Variants in LRRC8C observed in about 807,000 individuals in gnomAD.
The protein encoded by LRRC8C is leucine rich repeat containing 8 VRAC subunit C.
A neutral mutation model predicts 55.3 loss-of-function variants in LRRC8C; 20 were observed. The observed-to-expected ratio is 0.36, with a 90% CI of 0.25 to 0.53. LRRC8C has a LOEUF of 0.53. LRRC8C is among the 20% of genes least tolerant of loss of function. The pLI, the probability that LRRC8C is intolerant of heterozygous loss-of-function variation, is 0.92. For missense variants in LRRC8C, 659 were observed against 951.4 expected, an observed-to-expected ratio of 0.69 and a Z score of 4.04; for synonymous variants, 376 against 360.7, an observed-to-expected ratio of 1.04 and a Z score of -0.48.
At chr1:89,698,286 A>G (rs1012420254) in intron 2 of LRRC8C, among the ~76,000 whole-genome samples, 10 of 152,194 alleles carry the variant, frequency 6.6e-5, no homozygotes, top group Admixed American at 5.2e-4. Context: ...ATATGAATGC[A>G]TATGCTTGCC....
intron 1 of LRRC8C, among the ~76,000 whole-genome samples, chr1:89,647,073 G>A (rs1171049655): frequency 6.6e-6 from 1 of 152,048 alleles, no homozygotes; most frequent in African/African-American, 2.4e-5. Context: ...ATCTTTACCT[G>A]ACAGCTTTCC....
rs749364760 is a variant in LRRC8C at position 89,713,494 on chromosome 1, C to A, written c.924C>A (p.Cys308Ter). 2 of 1,614,116 alleles carry A rather than the reference C, an allele frequency of 1.2e-6. No homozygotes were observed. The highest frequency in any genetic ancestry group is 3.3e-5 in the Admixed American group (2 of 60,024). The change falls in exon 3 of 3, where the codon TGC becomes TGA. Residue 308 changes from cysteine to a stop codon, truncating the protein, a stop_gained. Coordinates refer to ENST00000370454, the MANE Select transcript of LRRC8C (RefSeq NM_032270.5). LOFTEE classifies it high-confidence loss of function. This position sits in a 1 kb window ranked among gnomAD's most constrained non-coding sequence, Gnocchi z 5.2. ...TGACTGGATATAAAAACTTTTCTTG[C>A]AATCATACCATGGCACACTTGTTCT... Reference protein sequence around the residue: ...QDMTGYKNFSCNHTMAHLFSK... With the variant: ...QDMTGYKNFS
At chr1:89,679,392 T>TA (rs1443998597) in intron 1 of LRRC8C, among the ~76,000 whole-genome samples, 2 of 151,822 alleles carry the variant, frequency 1.3e-5, no homozygotes, top group Non-Finnish European at 2.9e-5. Context: ...CTTCTCTACT[T>TA]AAAATACAAA....
chr1:89,623,918 C>G, the LRRC8C span, among the ~76,000 whole-genome samples: 1 of 152,170 alleles, frequency 6.6e-6, no homozygotes, highest in Admixed American at 6.5e-5. Context: ...TCCTTGGAAA[C>G]TAAAATACTA....
chr1:89,618,352 T>C, the LRRC8C span, among the ~76,000 whole-genome samples: 2 of 152,334 alleles, frequency 1.3e-5, no homozygotes, highest in East Asian at 3.9e-4. Flanking sequence ...CCTACTGAGA[T>C]TTACAAACCA....
chr1:89,712,650 A>T, intron 2 of LRRC8C, 59 bp from the exon 3 acceptor site: 1 of 1,252,700 alleles, frequency 8.0e-7, no homozygotes, highest in East Asian at 2.4e-5. Flanking sequence ...CTTTGCAGTA[A>T]TGACATTATG....
Position 89,714,200 on chromosome 1 carries a change from CT to C in LRRC8C, c.1632del (p.Ile546PhefsTer35). ...TLESLRDLKSLKILSIKSNVS... is the reference protein window; with the variant it reads ...TLESLRDLKSXKILSIKSNVS... Reference sequence around the variant, plus strand: ...TGAGTCTCTGCGGGATCTCAAAAGCCTTAAAATTCTCTCTATCAAAAGCAAC... The same window carrying C: ...TGAGTCTCTGCGGGATCTCAAAAGCCTAAAATTCTCTCTATCAAAAGCAAC... On this transcript the variant is annotated frameshift_variant, in exon 3 of 3. Transcript: ENST00000370454. LOFTEE classifies it high-confidence loss of function. This position sits in a 1 kb window ranked among gnomAD's most constrained non-coding sequence, Gnocchi z 4.6. 1.2e-6 allele frequency: 2 copies of C among 1,614,080 alleles called. No homozygotes were observed. Among genetic ancestry groups the C allele is most frequent in the Non-Finnish European group, 1.7e-6 (2 of 1,180,014 alleles).
chr1:89,627,751 G>A, the LRRC8C span, among the ~76,000 whole-genome samples: 1 of 152,112 alleles, frequency 6.6e-6, no homozygotes, highest in Non-Finnish European at 1.5e-5. Flanking sequence ...GGATTACAAT[G>A]GGCCTCTGTT....
At chr1:89,617,962 CTTGGTATAA>C in the LRRC8C span, among the ~76,000 whole-genome samples, 1 of 152,342 alleles carries the variant, frequency 6.6e-6, no homozygotes, top group East Asian at 1.9e-4. Context: ...CACACACTCT[CTTGGTATAA>C]CTATATGTTC....
chr1:89,659,048 G>GTTTTTTTGTT (rs1301576464), intron 1 of LRRC8C, among the ~76,000 whole-genome samples: 7 of 26,230 alleles, frequency 2.7e-4, no homozygotes, highest in African/African-American at 7.4e-4. Flanking sequence ...TCTTCTCCAG[G>GTTTTTTTGTT]TTTTTTTTTT....
intron 1 of LRRC8C, among the ~76,000 whole-genome samples, chr1:89,677,251 G>A (rs1027186052): frequency 2.0e-5 from 3 of 152,090 alleles, no homozygotes; most frequent in African/African-American, 4.8e-5. Flanking sequence ...AATGTAATTG[G>A]TCCATTAATT....
chr1:89,642,416 A>G (rs1656486366), intron 1 of LRRC8C, among the ~76,000 whole-genome samples: 1 of 152,186 alleles, frequency 6.6e-6, no homozygotes, highest in Non-Finnish European at 1.5e-5. Flanking sequence ...AGCATGTTAG[A>G]AATTAGGTTT....
In LRRC8C at chr1:89,669,522, A is replaced by G. The variant is rs142085759; in HGVS notation, c.-4-16948A>G. Among the ~76,000 whole-genome samples, 20 of 152,312 alleles carry G rather than the reference A, an allele frequency of 1.3e-4. No homozygotes were observed. In the East Asian group the frequency reaches 3.9e-3, roughly 29 times the overall value. ...TGTCATCTCTATTGCTAATATTAGTAGCTGTCATCTATTGAGTGCTAATTC... is the reference window on the plus strand; with the variant it reads ...TGTCATCTCTATTGCTAATATTAGTGGCTGTCATCTATTGAGTGCTAATTC... On this transcript the variant is annotated intron_variant, in intron 1 of 2. Transcript: ENST00000370454.
At chr1:89,692,890 T>C (rs1347118574) in intron 2 of LRRC8C, among the ~76,000 whole-genome samples, 2 of 152,180 alleles carry the variant, frequency 1.3e-5, no homozygotes, top group Non-Finnish European at 2.9e-5. Context: ...TTGCTTTAGA[T>C]CTCTGCTCAG....
chr1:89,653,131 C>T (rs1446566470), intron 1 of LRRC8C, among the ~76,000 whole-genome samples: 1 of 152,202 alleles, frequency 6.6e-6, no homozygotes, highest in Non-Finnish European at 1.5e-5. Context: ...CAAAGGATCA[C>T]TCTGGCTGTG....
chr1:89,657,901 T>C (rs929684762), intron 1 of LRRC8C, among the ~76,000 whole-genome samples: 12 of 152,200 alleles, frequency 7.9e-5, no homozygotes, highest in African/African-American at 2.9e-4. Context: ...ACATAGTTGA[T>C]AAGACGTGTC....
At chr1:89,648,679 T>C (rs1039495576) in intron 1 of LRRC8C, among the ~76,000 whole-genome samples, 35 of 152,166 alleles carry the variant, frequency 2.3e-4, no homozygotes, top group African/African-American at 8.4e-4. Context: ...ACTATCACCA[T>C]AATCTAATTT....
chr1:89,626,438 T>C, the LRRC8C span: 1 of 152,152 alleles, frequency 6.6e-6, no homozygotes, highest in Non-Finnish European at 1.5e-5. Flanking sequence ...ACAAGACTGC[T>C]TCCCCATCCC....
At chr1:89,656,334 A>T (rs2101204360) in intron 1 of LRRC8C, among the ~76,000 whole-genome samples, 1 of 152,324 alleles carries the variant, frequency 6.6e-6, no homozygotes, top group African/African-American at 2.4e-5. Context: ...ATCGGGTCTA[A>T]CTGCCTGTCA....
Sources: allele counts gnomAD v4.1 joint callset (sites outside exome capture counted in the v4.1 genomes callset), GRCh38; gene constraint gnomAD v4.1.1; non-coding constraint Gnocchi (gnomAD v3.1); transcripts MANE v1.5; gene names NCBI Gene and HGNC (gene_info 2026-07-23, HGNC 2026-07-21).